The following USH2A variants were observed in gnomAD, a reference collection of about 807,000 sequenced individuals.
The protein encoded by USH2A is usherin.
In USH2A, 443 loss-of-function variants were observed where a neutral mutation model predicts 538.9. The observed-to-expected ratio is 0.82, with a 90% confidence interval of 0.76 to 0.89. The LOEUF is 0.89. Among genes scored for constraint, USH2A ranks in the 40% least tolerant of loss-of-function variants. The probability of loss-of-function intolerance (pLI) is 0.00; values close to 1 mark genes in which losing one functional copy is unlikely to be tolerated. For missense variants in USH2A, 6,633 were observed against 6,324.8 expected, an observed-to-expected ratio of 1.05 and a Z score of -1.65; for synonymous variants, 2,413 against 2,273.5, an observed-to-expected ratio of 1.06 and a Z score of -1.75.
intron 21 of USH2A, among the ~76,000 whole-genome samples, chr1:216,171,697 C>T (rs1366557422): frequency 2.0e-5 from 3 of 151,990 alleles, no homozygotes; most frequent in African/African-American, 7.2e-5. Flanking sequence ...AAATCCTCAC[C>T]TACCTGCTAG....
At chr1:215,836,506 T>TATATATATTATA (rs1553267742) in intron 47 of USH2A, among the ~76,000 whole-genome samples, 5 of 18,316 alleles carry the variant, frequency 2.7e-4, no homozygotes, top group African/African-American at 8.7e-4. Flanking sequence ...ATAATATATA[T>TATATATATTATA]TATATATATA....
Position 215,934,782 on chromosome 1 carries a change from G to A in USH2A, c.7134C>T (p.Tyr2378=), listed in dbSNP as rs1236671140. Residue 2378 remains tyrosine, a synonymous_variant, in exon 38 of 72, where the codon TAC becomes TAT. Coordinates refer to ENST00000307340, the MANE Select transcript of USH2A (RefSeq NM_206933.4). Reference sequence around the variant, plus strand: ...TGACTTTTGTGACATTCAGAAGGGTGTAGTTATTACCTACTGATTAAAAAA... The same window carrying A: ...TGACTTTTGTGACATTCAGAAGGGTATAGTTATTACCTACTGATTAAAAAA... ...IFYVDPVGNN[Y]TLLNVTKVMY... is the part of the protein sequence containing the mutation. 1 of 1,611,710 alleles carries A rather than the reference G, an allele frequency of 6.2e-7. No individual in the cohort carries two copies. Among genetic ancestry groups the A allele is most frequent in the Admixed American group, 1.7e-5 (1 of 59,830 alleles).
At position 216,327,690 on chromosome 1, in the gene USH2A, T is replaced by C. The variant is rs372664796; in HGVS notation, c.785-36A>G. 9.3e-6 allele frequency: 15 copies of C among 1,610,964 alleles called. No individual in the cohort carries two copies. In the African/African-American group the frequency reaches 1.5e-4, roughly 16 times the overall value. ...ACACATGTGCATAATATAAGAAGTC[T>C]CTGTTTACCAAGCAATACCTGACAA... On this transcript the variant is annotated intron_variant, in intron 4 of 71. Coordinates refer to ENST00000307340, the MANE Select transcript of USH2A (RefSeq NM_206933.4).
At chr1:215,744,192 G>C (rs1660399067) in intron 58 of USH2A, among the ~76,000 whole-genome samples, 1 of 152,088 alleles carries the variant, frequency 6.6e-6, no homozygotes, top group African/African-American at 2.4e-5. Context: ...TCCAAATCAT[G>C]GTCTACCTAG....
intron 67 of USH2A, among the ~76,000 whole-genome samples, chr1:215,645,664 G>C (rs1214151868): frequency 6.6e-6 from 1 of 152,120 alleles, no homozygotes; most frequent in Non-Finnish European, 1.5e-5. Flanking sequence ...GTGAGACATT[G>C]GTCTTTATGA....
chr1:216,193,215 G>A (rs1043994464), intron 19 of USH2A, among the ~76,000 whole-genome samples: 4 of 151,930 alleles, frequency 2.6e-5, no homozygotes, highest in Non-Finnish European at 5.9e-5. Flanking sequence ...ATACAACATG[G>A]CAAAGACCAC....
chr1:215,956,841 T>C (rs1667080252), intron 37 of USH2A, among the ~76,000 whole-genome samples: 1 of 152,180 alleles, frequency 6.6e-6, no homozygotes, highest in Admixed American at 6.6e-5. Context: ...TCCATTCTTG[T>C]GGAAGAATAT....
intron 58 of USH2A, among the ~76,000 whole-genome samples, chr1:215,748,380 T>C (rs1660541088): frequency 6.6e-6 from 1 of 152,198 alleles, no homozygotes; most frequent in Non-Finnish European, 1.5e-5. Context: ...GCCAATGAGA[T>C]TAGTAGAAAA....
At position 215,634,579 on chromosome 1, in the gene USH2A, C is replaced by T. The variant is rs1656413473; in HGVS notation, c.15177G>A (p.Leu5059=). Residue 5059 remains leucine, a synonymous_variant, in exon 70 of 72, where the codon CTG becomes CTA. Transcript: ENST00000307340. ...GGATTTTTCTTTGTAGTATCAGGGA[C>T]AGAAAAATGGCCAACAAGATCAAGC... The part of the protein sequence containing the change: ...MLGLILLAIF[L]SLILQRKIHK... The T allele has an allele frequency of 1.2e-6, 2 of 1,613,974 alleles. No homozygotes were observed. Among genetic ancestry groups the T allele is most frequent in the South Asian group, 2.2e-5 (2 of 91,080 alleles).
chr1:216,147,884 G>A (rs1202823702), intron 21 of USH2A, among the ~76,000 whole-genome samples: 51 of 146,500 alleles, frequency 3.5e-4, no homozygotes, highest in Admixed American at 8.9e-4. Context: ...CTCCTAAGCC[G>A]CGTCCCATCT....
At chr1:216,379,145 G>T (rs1470525997) in intron 3 of USH2A, among the ~76,000 whole-genome samples, 1 of 152,086 alleles carries the variant, frequency 6.6e-6, no homozygotes, top group Non-Finnish European at 1.5e-5. Context: ...AGCTGACCCA[G>T]ACTGTCACTC....
chr1:215,800,429 G>A (rs1662290083), intron 49 of USH2A, among the ~76,000 whole-genome samples: 1 of 151,988 alleles, frequency 6.6e-6, no homozygotes, highest in African/African-American at 2.4e-5. Flanking sequence ...CAATCTGATG[G>A]GTCTTATGGC....
At chr1:216,339,054 GA>G (rs753524161) in intron 4 of USH2A, among the ~76,000 whole-genome samples, 3 of 151,542 alleles carry the variant, frequency 2.0e-5, no homozygotes, top group East Asian at 3.9e-4. Flanking sequence ...TGCACACAAG[GA>G]GACATACAAA....
chr1:215,931,195 C>A (rs577732624), intron 38 of USH2A, among the ~76,000 whole-genome samples: 1 of 151,896 alleles, frequency 6.6e-6, no homozygotes, highest in Non-Finnish European at 1.5e-5. Flanking sequence ...ATTAGTAGCA[C>A]CATCTTCTTA....
chr1:216,248,620 G>T (rs2036098406), intron 12 of USH2A, among the ~76,000 whole-genome samples: 2 of 151,656 alleles, frequency 1.3e-5, no homozygotes. Context: ...CTCACCTAAG[G>T]CATATCATTT....
In USH2A at chr1:216,217,229, C is replaced by T. The variant is rs114328607; in HGVS notation, c.3157+158G>A. 4.4e-3 allele frequency among the ~76,000 whole-genome samples: 667 copies of T among 152,150 alleles called. 6 individuals carry two copies. Among genetic ancestry groups the T allele is most frequent in the African/African-American group, 0.015 (633 of 41,540 alleles). On this transcript the variant is annotated intron_variant, in intron 15 of 71. Transcript: ENST00000307340. ...AATTGTCTAATCAAGGAAAAGCAGA[C>T]ATATTTCATTCAGTGTATTTTTTTC...
At chr1:215,684,108 C>T (rs891796819) in intron 61 of USH2A, among the ~76,000 whole-genome samples, 1 of 152,146 alleles carries the variant, frequency 6.6e-6, no homozygotes, top group Non-Finnish European at 1.5e-5. Context: ...CCTTCTTTAA[C>T]TTTATATGCA....
At chr1:215,750,522 A>G (rs1476809966) in intron 58 of USH2A, among the ~76,000 whole-genome samples, 1 of 152,196 alleles carries the variant, frequency 6.6e-6, no homozygotes, top group Non-Finnish European at 1.5e-5. Flanking sequence ...AGCCACAAAT[A>G]AAATTATTCT....
Position 215,671,109 on chromosome 1 carries a change from T to C in USH2A, c.13996A>G (p.Lys4666Glu). ...LWTGPLQPNGKVLYYELYRRQ... is the reference protein window; with the variant it reads ...LWTGPLQPNGEVLYYELYRRQ... ...CTGTATAATTCGTAATACAAAACTT[T>C]TCCATTTGGCTGCAGCGGTCCTGTC... is the stretch of plus-strand genomic sequence containing the variant. The change falls in exon 64 of 72, where the codon AAA becomes GAA. Residue 4666 changes from lysine to glutamate, a missense_variant. Lys to Glu is a moderately conservative substitution (Grantham distance 56, BLOSUM62 1). Transcript: ENST00000307340. 1.2e-6 allele frequency: 2 copies of C among 1,614,132 alleles called. No homozygotes were observed. Among genetic ancestry groups the C allele is most frequent in the Non-Finnish European group, 1.7e-6 (2 of 1,180,004 alleles).
Sources: allele counts gnomAD v4.1 joint callset (sites outside exome capture counted in the v4.1 genomes callset), GRCh38; gene constraint gnomAD v4.1.1; transcripts MANE v1.5; gene names NCBI Gene and HGNC (gene_info 2026-07-23, HGNC 2026-07-21).